Variants in IQGAP2 observed in about 807,000 individuals in gnomAD.
IQGAP2 encodes IQ motif containing GTPase activating protein 2, also known as ras GTPase-activating-like protein IQGAP2.
IQGAP2 carries 173 observed loss-of-function variants against 201.3 expected under a neutral mutation model. The ratio of observed to expected loss-of-function variants is 0.86; its 90% CI spans 0.76 to 0.98. The LOEUF is 0.98. Among genes scored for constraint, IQGAP2 ranks in the 50% least tolerant of loss-of-function variants. The pLI is 0.00. For synonymous variants in IQGAP2, 675 were observed against 673.9 expected, an observed-to-expected ratio of 1.00 and a Z score of -0.03; for missense variants, 1,687 against 1,864.8, an observed-to-expected ratio of 0.90 and a Z score of 1.76.
intron 18 of IQGAP2, among the ~76,000 whole-genome samples, chr5:76,653,606 T>C (rs1346199320): frequency 6.6e-6 from 1 of 152,076 alleles, no homozygotes; most frequent in African/African-American, 2.4e-5. Flanking sequence ...TAAAAAATAA[T>C]AATAAATAAA....
chr5:76,682,410 C>T (rs1745383084), intron 28 of IQGAP2, among the ~76,000 whole-genome samples: 1 of 151,580 alleles, frequency 6.6e-6, no homozygotes, highest in Non-Finnish European at 1.5e-5. Context: ...AGATGTGTCG[C>T]TGTTCATGTG....
intron 1 of IQGAP2, among the ~76,000 whole-genome samples, chr5:76,417,091 C>G (rs942385569): frequency 1.3e-5 from 2 of 152,096 alleles, no homozygotes; most frequent in African/African-American, 4.8e-5. Flanking sequence ...TATGTTTACC[C>G]TGTCTCAAAA....
chr5:76,501,463 A>C (rs1037559427), intron 2 of IQGAP2, among the ~76,000 whole-genome samples: 1 of 152,016 alleles, frequency 6.6e-6, no homozygotes, highest in Non-Finnish European at 1.5e-5. Flanking sequence ...ACTTTTTGAG[A>C]ATCGGAACAG....
rs1671739264 is a variant in IQGAP2, at chr5:76,579,509, T to G, written c.458+3740T>G. ...TTCAGGTAGGTCTTTATTTACAATC[T>G]GGTCCCCACCCCTGCCCCCCTTCCC... On this transcript the variant is annotated intron_variant, in intron 5 of 35. Coordinates refer to ENST00000274364, the MANE Select transcript of IQGAP2 (RefSeq NM_006633.5). 2.6e-5 allele frequency among the ~76,000 whole-genome samples: 4 copies of G among 152,024 alleles called. No individual in the cohort carries two copies. In the South Asian group the frequency reaches 6.2e-4, roughly 24 times the overall value.
intron 1 of IQGAP2, among the ~76,000 whole-genome samples, chr5:76,404,264 G>A (rs1362014863): frequency 6.6e-6 from 1 of 152,192 alleles, no homozygotes. Flanking sequence ...GGGAGCCCGC[G>A]TGACTTGAAC....
In IQGAP2 at chr5:76,667,902, A is replaced by G. The variant is rs1346181000; in HGVS notation, c.2680-779A>G. 2.9e-5 allele frequency among the ~76,000 whole-genome samples: 2 copies of G among 69,766 alleles called. 1 individual carries two copies. The highest frequency in any genetic ancestry group is 8.5e-4 in the South Asian group (2 of 2,346). 45.8% of individuals were successfully genotyped at this position (69,766 alleles called of 152,430 possible). A position where few individuals can be genotyped will look rare whatever the true frequency, so the allele number is the denominator to read the frequency against. On this transcript the variant is annotated intron_variant, in intron 22 of 35. Coordinates refer to ENST00000274364, the MANE Select transcript of IQGAP2 (RefSeq NM_006633.5). ...CTTTTTTTTTTTTTTTTTTTTTTTGATACAGAGTCTGTGTTGTCTAGGCTG... is the reference window on the plus strand; with the variant it reads ...CTTTTTTTTTTTTTTTTTTTTTTTGGTACAGAGTCTGTGTTGTCTAGGCTG...
intron 1 of IQGAP2, among the ~76,000 whole-genome samples, chr5:76,412,071 C>A (rs149696872): frequency 2.4e-4 from 36 of 152,244 alleles, no homozygotes; most frequent in African/African-American, 7.9e-4. Flanking sequence ...TTCGTTTATT[C>A]ATTCACAATT....
Position 76,695,469 on chromosome 5 carries a change from A to G in IQGAP2, c.4009A>G (p.Thr1337Ala), listed in dbSNP as rs1367969509. 3.1e-6 allele frequency: 5 copies of G among 1,613,688 alleles called. No individual in the cohort carries two copies. Among genetic ancestry groups the G allele is most frequent in the Non-Finnish European group, 4.2e-6 (5 of 1,179,600 alleles). Residue 1337 changes from threonine (T) to alanine (A), a missense_variant, in exon 32 of 36, where the codon ACG becomes GCG. Physicochemically the swap from Thr to Ala is moderately conservative, Grantham distance 58 (BLOSUM62 0). Coordinates refer to ENST00000274364, the MANE Select transcript of IQGAP2 (RefSeq NM_006633.5). ...CTCTTTTCAGGAGGTAGACCATGCCACGGACATGGTGAGCCGTGCAATGAT... is the reference window on the plus strand; with the variant it reads ...CTCTTTTCAGGAGGTAGACCATGCCGCGGACATGGTGAGCCGTGCAATGAT... ...ATAQQEVDHA[T>A]DMVSRAMIDS...
chr5:76,562,205 C>A lies in IQGAP2; in HGVS notation c.147-191C>A, dbSNP rs529104244. 5.3e-5 allele frequency among the ~76,000 whole-genome samples: 8 copies of A among 152,242 alleles called. No homozygotes were observed. In the South Asian group the frequency reaches 1.7e-3, roughly 32 times the overall value. On this transcript the variant is annotated intron_variant, in intron 2 of 35. Coordinates refer to ENST00000274364, the MANE Select transcript of IQGAP2 (RefSeq NM_006633.5). The stretch of plus-strand genomic sequence containing the variant: ...AGCTCAGCGCTTCTGGGCTTTCATT[C>A]CCCCTGTTCGTCTCATGTTCAAAAT...
chr5:76,702,715 G>GCCGAAAACCAGTGCCAGCCTTATTTT, intron 35 of IQGAP2, 125 bp downstream of exon 35: 1 of 581,226 alleles, frequency 1.7e-6, no homozygotes, highest in Non-Finnish European at 3.1e-6. Context: ...AGCCTTATTT[G>GCCGAAAACCAGTGCCAGCCTTATTTT]CCAATATTTG....
chr5:76,410,801 A>G (rs769706989), intron 1 of IQGAP2, among the ~76,000 whole-genome samples: 1 of 152,108 alleles, frequency 6.6e-6, no homozygotes, highest in Non-Finnish European at 1.5e-5. Context: ...TCCCAGTTTT[A>G]TTGAAGAATG....
chr5:76,682,972 C>T (rs1561588664), intron 28 of IQGAP2, 143 bp from the exon 29 acceptor site: 2 of 494,846 alleles, frequency 4.0e-6, no homozygotes, highest in Non-Finnish European at 7.2e-6. Context: ...AAAACTGTAT[C>T]TATGTCTCTA....
intron 1 of IQGAP2, among the ~76,000 whole-genome samples, chr5:76,414,912 G>T (rs551766838): frequency 6.6e-6 from 1 of 152,344 alleles, no homozygotes; most frequent in South Asian, 2.1e-4. Flanking sequence ...GAAAGAAGTG[G>T]AGCTTATAAT....
At chr5:76,610,319 A>G (rs1383755794) in intron 12 of IQGAP2, among the ~76,000 whole-genome samples, 1 of 150,534 alleles carries the variant, frequency 6.6e-6, no homozygotes, top group East Asian at 1.9e-4. Context: ...AGGGAAAATA[A>G]ACACATGAAA....
chr5:76,529,862 A>C (rs2150205605), intron 2 of IQGAP2, among the ~76,000 whole-genome samples: 1 of 152,170 alleles, frequency 6.6e-6, no homozygotes, highest in Admixed American at 6.5e-5. Context: ...GGGTGTTTTG[A>C]AGTGACTTGA....
intron 20 of IQGAP2, 145 bp from the exon 21 acceptor site, chr5:76,658,314 T>TG (rs1742936516): frequency 2.9e-6 from 2 of 690,282 alleles, no homozygotes; most frequent in Non-Finnish European, 5.1e-6. Flanking sequence ...TTAAATTGTG[T>TG]GGGGGTGGGT....
At chr5:76,487,003 T>C (rs930475078) in intron 2 of IQGAP2, among the ~76,000 whole-genome samples, 1 of 152,182 alleles carries the variant, frequency 6.6e-6, no homozygotes, top group African/African-American at 2.4e-5. Context: ...TGCCAAACAC[T>C]GTTTTAAGCA....
intron 1 of IQGAP2, among the ~76,000 whole-genome samples, chr5:76,410,894 T>C (rs1751070735): frequency 6.6e-6 from 1 of 152,242 alleles, no homozygotes; most frequent in African/African-American, 2.4e-5. Flanking sequence ...TAAGCTCTAA[T>C]TGGACCTTCC....
At chr5:76,550,451 TA>T in intron 2 of IQGAP2, among the ~76,000 whole-genome samples, 1 of 151,714 alleles carries the variant, frequency 6.6e-6, no homozygotes, top group Admixed American at 6.6e-5. Context: ...GGTCAGCAGA[TA>T]AACATGTGAA....
Sources: allele counts gnomAD v4.1 joint callset (sites outside exome capture counted in the v4.1 genomes callset), GRCh38; gene constraint gnomAD v4.1.1; transcripts MANE v1.5; gene names NCBI Gene and HGNC (gene_info 2026-07-23, HGNC 2026-07-21).